Variants in SLC38A7 observed in about 807,000 individuals in gnomAD.
SLC38A7 encodes solute carrier family 38 member 7, also known as sodium-coupled neutral amino acid transporter 7.
SLC38A7 carries 29 observed loss-of-function variants against 50.1 expected under a neutral mutation model. That is an observed-to-expected ratio of 0.58 (90% CI 0.43 to 0.79). The LOEUF (loss-of-function observed/expected upper bound fraction) is 0.79. Ranked by LOEUF, SLC38A7 falls within the 30% of genes least tolerant of loss-of-function variation. The pLI is 0.00. For missense variants in SLC38A7, 483 were observed against 610.6 expected (o/e 0.79, Z 2.20); for synonymous variants, 244 against 245.9 (o/e 0.99, Z 0.07).
At position 58,670,703 on chromosome 16, in the gene SLC38A7, T is replaced by C. The variant is rs543538177; in HGVS notation, c.1231+342A>G. Among the ~76,000 whole-genome samples the C allele has an allele frequency of 1.2e-4, 18 of 152,268 alleles. No individual in the cohort carries two copies. In the South Asian group the frequency reaches 3.3e-3, roughly 28 times the overall value. ...CTGAACCAGCCAGATAGATCCCTCA[T>C]AGTCAAGGAGCAGCAGACACCTGAA... On this transcript the variant is annotated intron_variant, in intron 10 of 11. Coordinates refer to ENST00000219320, the MANE Select transcript of SLC38A7 (RefSeq NM_018231.3).
At chr16:58,682,326 C>G (rs1449166997) in intron 2 of SLC38A7, among the ~76,000 whole-genome samples, 3 of 152,106 alleles carry the variant, frequency 2.0e-5, no homozygotes, top group African/African-American at 7.2e-5. Context: ...TCCCCAGAGG[C>G]TGCTATTAGC....
Position 58,678,510 on chromosome 16 carries a change from C to A in SLC38A7, c.470-36G>T. The A allele has an allele frequency of 1.9e-6, 3 of 1,544,014 alleles. No homozygotes were observed. Among genetic ancestry groups the A allele is most frequent in the Non-Finnish European group, 2.6e-6 (3 of 1,142,596 alleles). On this transcript the variant is annotated intron_variant, in intron 4 of 11. Coordinates refer to ENST00000219320, the MANE Select transcript of SLC38A7 (RefSeq NM_018231.3). The surrounding 1 kb of genome is among the most constrained non-coding windows in gnomAD (Gnocchi z 4.0). ...AGGAAGGAGGGAATGTCAAGCCAGG[C>A]CACCATGGGGTGTGGCCCTCCTGCT... is the stretch of plus-strand genomic sequence containing the variant.
In SLC38A7 at chr16:58,667,391, C is replaced by T. The variant is rs1567467734; in HGVS notation, c.1383G>A (p.Leu461=). The part of the protein sequence containing the change: ...TTANAIFVDL[L]A ...GTTCCCTGGGAGGCAGTGGTTATGC[C>T]AAGAGATCCACAAAGATGGCGTTGG... Residue 461 remains leucine, a synonymous_variant, in exon 12 of 12, where the codon TTG becomes TTA. Transcript: ENST00000219320. 29 of 1,613,956 alleles carry T rather than the reference C, an allele frequency of 1.8e-5. No homozygotes were observed. The highest frequency in any genetic ancestry group is 2.3e-5 in the Non-Finnish European group (27 of 1,180,012).
chr16:58,676,390 G>A (rs1359842517), intron 6 of SLC38A7, 44 bp from the exon 7 acceptor site: 1 of 1,610,122 alleles, frequency 6.2e-7, no homozygotes, highest in African/African-American at 1.3e-5. Flanking sequence ...GAACCCCTCA[G>A]AGCCACAACC....
chr16:58,668,846 T>C (rs1396158517), intron 11 of SLC38A7, among the ~76,000 whole-genome samples: 2 of 150,334 alleles, frequency 1.3e-5, no homozygotes, highest in Non-Finnish European at 1.5e-5. Flanking sequence ...GATCTCCACT[T>C]ACTGCAACCT....
rs1016265639 is a variant in SLC38A7, at chr16:58,679,028, G to A, written c.271-134C>T. 7 of 812,810 alleles carry A rather than the reference G, an allele frequency of 8.6e-6. No homozygotes were observed. The African/African-American group carries it at 1.0e-4, about 12-fold the overall frequency. 50.3% of individuals were successfully genotyped at this position (812,810 alleles called of 1,614,324 possible). On this transcript the variant is annotated intron_variant, in intron 3 of 11. Coordinates refer to ENST00000219320, the MANE Select transcript of SLC38A7 (RefSeq NM_018231.3). ...CTCACAAAGGCAATTTTAAGAGACTGCTAGAGGATGCCGAGTTGAGATTTT... is the reference window on the plus strand; with the variant it reads ...CTCACAAAGGCAATTTTAAGAGACTACTAGAGGATGCCGAGTTGAGATTTT...
chr16:58,670,271 T>G (rs1282110997), intron 10 of SLC38A7, 104 bp from the exon 11 acceptor site: 2 of 1,084,742 alleles, frequency 1.8e-6, no homozygotes, highest in Non-Finnish European at 1.4e-6. Flanking sequence ...GAAAGGCCCA[T>G]GTTTACTCTT....
At position 58,678,783 on chromosome 16, in the gene SLC38A7, C is replaced by G. The variant is rs2044324454; in HGVS notation, c.382G>C (p.Gly128Arg). The change falls in exon 4 of 12, where the codon GGT becomes CGT. Residue 128 changes from glycine to arginine, a missense_variant. Gly to Arg is a moderately radical substitution (Grantham distance 125). Coordinates refer to ENST00000219320, the MANE Select transcript of SLC38A7 (RefSeq NM_018231.3). The surrounding 1 kb of genome is among the most constrained non-coding windows in gnomAD (Gnocchi z 4.0). Reference sequence around the variant, plus strand: ...GCGATGGCCACCTCACATAGCACACCTGTCAGCTTGCCACACACAGCCCAT... The same window carrying G: ...GCGATGGCCACCTCACATAGCACACGTGTCAGCTTGCCACACACAGCCCAT... ...VVWAVCGKLTGVLCEVAIAVY... is the reference protein window; with the variant it reads ...VVWAVCGKLTRVLCEVAIAVY... 1 of 1,614,174 alleles carries G rather than the reference C, an allele frequency of 6.2e-7. No individual in the cohort carries two copies. The highest frequency in any genetic ancestry group is 8.5e-7 in the Non-Finnish European group (1 of 1,180,024).
At chr16:58,676,640 T>TG (rs1555506821) in intron 6 of SLC38A7, among the ~76,000 whole-genome samples, 1 of 152,142 alleles carries the variant, frequency 6.6e-6, no homozygotes, top group Non-Finnish European at 1.5e-5. Flanking sequence ...GAAATTGTTT[T>TG]TTTTGTTTTG....
In SLC38A7 at chr16:58,671,252, C is replaced by T. The variant is rs781755383; in HGVS notation, c.1032-8G>A. ...AGGCCTTCCACCACCGCCCTGCCCA[C>T]ATGGAGAAGGGCTTAGAGGTGCCCC... On this transcript the variant is annotated splice_region_variant and splice_polypyrimidine_tract_variant and intron_variant, in intron 9 of 11. Coordinates refer to ENST00000219320, the MANE Select transcript of SLC38A7 (RefSeq NM_018231.3). 1.2e-6 allele frequency: 2 copies of T among 1,613,156 alleles called. No individual in the cohort carries two copies. Among genetic ancestry groups the T allele is most frequent in the East Asian group, 4.5e-5 (2 of 44,866 alleles).
At chr16:58,668,240 C>T (rs2044080709) in intron 11 of SLC38A7, among the ~76,000 whole-genome samples, 2 of 151,558 alleles carry the variant, frequency 1.3e-5, no homozygotes, top group East Asian at 3.9e-4. Flanking sequence ...GAGTTTGAGA[C>T]CAGCCTGGCC....
chr16:58,680,330 G>T, intron 2 of SLC38A7, 89 bp from the exon 3 acceptor site: 1 of 526,274 alleles, frequency 1.9e-6, no homozygotes, highest in Non-Finnish European at 3.1e-6. Flanking sequence ...AAGATCACAT[G>T]GGTAGGGTCC....
intron 3 of SLC38A7, chr16:58,679,561 G>T: frequency 1.9e-6 from 1 of 527,398 alleles, no homozygotes; most frequent in Non-Finnish European, 3.3e-6. Context: ...AAATATTTCA[G>T]TATGTAGTTC....
chr16:58,678,811 C>A lies in SLC38A7; in HGVS notation c.354G>T (p.Val118=). The change falls in exon 4 of 12, where the codon GTG becomes GTT. Residue 118 remains valine (V), a synonymous_variant. Transcript: ENST00000219320. This position sits in a 1 kb window ranked among gnomAD's most constrained non-coding sequence, Gnocchi z 4.0. Reference sequence around the variant, plus strand: ...TCAGCTTGCCACACACAGCCCATACCACCTCCTGGTAGGTCCTCTCATTGC... The same window carrying A: ...TCAGCTTGCCACACACAGCCCATACAACCTCCTGGTAGGTCCTCTCATTGC... ...QASNERTYQE[V]VWAVCGKLTG... The A allele has an allele frequency of 6.2e-7, 1 of 1,614,218 alleles. No individual in the cohort carries two copies. The highest frequency in any genetic ancestry group is 2.2e-5 in the East Asian group (1 of 44,884).
intron 2 of SLC38A7, chr16:58,681,666 G>T (rs2044390486): frequency 6.6e-6 from 1 of 152,206 alleles, no homozygotes; most frequent in African/African-American, 2.4e-5. Context: ...GTGTGACCCT[G>T]GGCAAGTCAC....
intron 11 of SLC38A7, among the ~76,000 whole-genome samples, chr16:58,669,574 T>C (rs2044118084): frequency 6.6e-6 from 1 of 151,516 alleles, no homozygotes; most frequent in East Asian, 1.9e-4. Flanking sequence ...GGCGAGTGGG[T>C]TGTGGGGGAA....
intron 9 of SLC38A7, 56 bp downstream of exon 9, chr16:58,672,040 T>TC (rs200048425): frequency 0.2 from 301,774 of 1,489,900 alleles, 33,300 homozygotes; most frequent in African/African-American, 0.39. Context: ...CAAAGGACCA[T>TC]GTTGGAAGCG....
chr16:58,672,011 GA>G, intron 9 of SLC38A7, 84 bp downstream of exon 9: 2 of 1,390,048 alleles, frequency 1.4e-6, no homozygotes, highest in South Asian at 3.0e-5. Context: ...CCTTCTACAG[GA>G]TGGGGTCCAC....
intron 3 of SLC38A7, chr16:58,679,603 C>T (rs1397866487): frequency 3.7e-6 from 2 of 545,450 alleles, no homozygotes; most frequent in Non-Finnish European, 6.5e-6. Flanking sequence ...TTAAACATAC[C>T]ACAAAATCAA....
Sources: gnomAD v4.1 joint callset for allele counts (sites outside exome capture counted in the v4.1 genomes callset) on GRCh38, gnomAD v4.1.1 for gene constraint, Gnocchi (gnomAD v3.1) non-coding constraint, MANE v1.5 for transcripts, NCBI Gene and HGNC (gene_info 2026-07-23, HGNC 2026-07-21) for gene names.